SGIP1: variants seen among roughly 807,000 people sequenced by gnomAD.
SGIP1 encodes the protein SH3-containing GRB2-like protein 3-interacting protein 1.
In SGIP1, 38 loss-of-function variants were observed where a neutral mutation model predicts 107.5. That is an observed-to-expected ratio of 0.35 (90% CI 0.27 to 0.46). SGIP1 has a LOEUF of 0.46. Ranked by LOEUF, SGIP1 falls within the 20% of genes least tolerant of loss-of-function variation. The probability of loss-of-function intolerance (pLI) is 1.00; values close to 1 mark genes in which losing one functional copy is unlikely to be tolerated. For missense variants in SGIP1, 929 were observed against 1,019.5 expected (o/e 0.91, Z 1.21); for synonymous variants, 365 against 366.1 (o/e 1.00, Z 0.03).
chr1:66,534,673 G>T (rs2053159436), intron 1 of SGIP1, among the ~76,000 whole-genome samples: 1 of 152,194 alleles, frequency 6.6e-6, no homozygotes, highest in Non-Finnish European at 1.5e-5. Flanking sequence ...AGTTGGGCGA[G>T]AAGATAAGGT....
chr1:66,599,676 A>T (rs1356146340), intron 1 of SGIP1, among the ~76,000 whole-genome samples: 3 of 152,234 alleles, frequency 2.0e-5, no homozygotes, highest in African/African-American at 7.2e-5. Context: ...GATTTTGAGT[A>T]TACGAGGAAA....
chr1:66,600,373 A>G (rs2065556720), intron 1 of SGIP1, among the ~76,000 whole-genome samples: 1 of 152,042 alleles, frequency 6.6e-6, no homozygotes, highest in African/African-American at 2.4e-5. Context: ...CCCCCCTCCT[A>G]GAAATGGAAG....
chr1:66,625,481 T>A (rs1451436075), intron 1 of SGIP1, among the ~76,000 whole-genome samples: 1 of 152,246 alleles, frequency 6.6e-6, no homozygotes, highest in Non-Finnish European at 1.5e-5. Context: ...GTCTAAAGAA[T>A]ATGTCTAACC....
chr1:66,618,752 A>G (rs1281996356), intron 1 of SGIP1, among the ~76,000 whole-genome samples: 1 of 152,054 alleles, frequency 6.6e-6, no homozygotes, highest in African/African-American at 2.4e-5. Context: ...CCTTTCCCTC[A>G]CCCCTAGTGA....
chr1:66,682,998 T>C (rs1056151320), intron 15 of SGIP1, among the ~76,000 whole-genome samples: 1 of 152,162 alleles, frequency 6.6e-6, no homozygotes, highest in Admixed American at 6.5e-5. Context: ...AAGACAAACT[T>C]GATCTCTGTT....
chr1:66,584,052 T>G lies in SGIP1; in HGVS notation c.11-41795T>G, dbSNP rs545907050. ...AAGTAGAATCCTTAGAGGCCTGTTT[T>G]GTTGGTGTTGTTGCTTTTATTTATC... On this transcript the variant is annotated intron_variant, in intron 1 of 24. Coordinates refer to ENST00000371037, the MANE Select transcript of SGIP1 (RefSeq NM_032291.4). 6.6e-5 allele frequency among the ~76,000 whole-genome samples: 10 copies of G among 152,248 alleles called. No homozygotes were observed. In the South Asian group the frequency reaches 2.1e-3, roughly 32 times the overall value.
At chr1:66,572,236 T>C (rs927010022) in intron 1 of SGIP1, among the ~76,000 whole-genome samples, 1 of 151,990 alleles carries the variant, frequency 6.6e-6, no homozygotes, top group African/African-American at 2.4e-5. Context: ...ATCTCAGAGA[T>C]TTGACTTCCC....
intron 1 of SGIP1, among the ~76,000 whole-genome samples, chr1:66,615,527 G>C (rs1179083907): frequency 6.6e-6 from 1 of 152,112 alleles, no homozygotes; most frequent in Non-Finnish European, 1.5e-5. Flanking sequence ...CAAAGGACTG[G>C]CCCCCTATTC....
rs2094610545 is a variant in SGIP1 at position 66,750,613 on chromosome 1, C to T, written c.*7518C>T. On this transcript the variant is annotated 3_prime_UTR_variant, in exon 25 of 25. Coordinates refer to ENST00000371037, the MANE Select transcript of SGIP1 (RefSeq NM_032291.4). Reference sequence around the variant, plus strand: ...ACTGTGAATTAAAATACTCAAGATACTTTCAAAATTTAGTCAAAATGTTGA... The same window carrying T: ...ACTGTGAATTAAAATACTCAAGATATTTTCAAAATTTAGTCAAAATGTTGA... 6.6e-6 allele frequency among the ~76,000 whole-genome samples: 1 copy of T among 152,216 alleles called. No individual in the cohort carries two copies. The highest frequency in any genetic ancestry group is 2.4e-5 in the African/African-American group (1 of 41,460).
chr1:66,655,772 A>G (rs771928660), intron 7 of SGIP1, among the ~76,000 whole-genome samples: 1 of 152,134 alleles, frequency 6.6e-6, no homozygotes, highest in African/African-American at 2.4e-5. Context: ...GGCATTTACC[A>G]TGAATGGAGT....
At chr1:66,683,892 T>C (rs1323247111) in intron 15 of SGIP1, among the ~76,000 whole-genome samples, 1 of 151,036 alleles carries the variant, frequency 6.6e-6, no homozygotes. Context: ...AGAGACAGGG[T>C]TTTCAGTAGA....
chr1:66,710,815 T>C (rs538099981), intron 18 of SGIP1, among the ~76,000 whole-genome samples: 1 of 152,090 alleles, frequency 6.6e-6, no homozygotes, highest in Non-Finnish European at 1.5e-5. Context: ...TTAACAGAAA[T>C]TAAAATTATT....
intron 1 of SGIP1, among the ~76,000 whole-genome samples, chr1:66,549,055 ACTTGGGTTCAGATCCTAACT>A (rs1222396947): frequency 6.6e-6 from 1 of 152,172 alleles, no homozygotes; most frequent in Non-Finnish European, 1.5e-5. Context: ...GTTAAAAAAC[ACTTGGGTTCAGATCCTAACT>A]CTGAGACTTG....
intron 1 of SGIP1, among the ~76,000 whole-genome samples, chr1:66,593,080 A>G (rs2063965085): frequency 1.3e-5 from 2 of 151,708 alleles, no homozygotes; most frequent in Admixed American, 1.3e-4. Flanking sequence ...TTAACTTAGT[A>G]ATATGCATTT....
At chr1:66,698,836 A>G (rs1224046185) in intron 18 of SGIP1, among the ~76,000 whole-genome samples, 1 of 151,862 alleles carries the variant, frequency 6.6e-6, no homozygotes, top group African/African-American at 2.4e-5. Flanking sequence ...GAACATCAAG[A>G]TGTTTCCAGA....
intron 1 of SGIP1, among the ~76,000 whole-genome samples, chr1:66,546,120 A>G (rs967051052): frequency 6.6e-6 from 1 of 152,212 alleles, no homozygotes; most frequent in Non-Finnish European, 1.5e-5. Flanking sequence ...TATTTGGTCC[A>G]TAGTAGAAGC....
intron 13 of SGIP1, among the ~76,000 whole-genome samples, chr1:66,678,893 A>C (rs945846899): frequency 1.3e-5 from 2 of 152,238 alleles, no homozygotes; most frequent in African/African-American, 4.8e-5. Flanking sequence ...CTGTGAAATT[A>C]GTGTGAACTC....
chr1:66,563,136 C>G (rs2059189059), intron 1 of SGIP1, among the ~76,000 whole-genome samples: 1 of 151,884 alleles, frequency 6.6e-6, no homozygotes, highest in Admixed American at 6.6e-5. Context: ...ACCACAACAT[C>G]AAGAATTTGG....
At chr1:66,669,975 T>G (rs1165540441) in intron 9 of SGIP1, among the ~76,000 whole-genome samples, 1 of 152,210 alleles carries the variant, frequency 6.6e-6, no homozygotes, top group Non-Finnish European at 1.5e-5. Flanking sequence ...ACCACCAGAT[T>G]GAGCCTTCAC....
Sources: gnomAD v4.1 joint callset for allele counts (sites outside exome capture counted in the v4.1 genomes callset) on GRCh38, gnomAD v4.1.1 for gene constraint, MANE v1.5 for transcripts, NCBI Gene and HGNC (gene_info 2026-07-23, HGNC 2026-07-21) for gene names.